SLC9B2: variants seen among roughly 807,000 people sequenced by gnomAD.
The protein encoded by SLC9B2 is sodium/hydrogen exchanger 9B2.
Under a neutral mutation model 52.2 loss-of-function variants are expected in SLC9B2, and 39 were observed. That is an observed-to-expected ratio of 0.75 (90% CI 0.58 to 0.98). The LOEUF (loss-of-function observed/expected upper bound fraction) is 0.98. Among genes scored for constraint, SLC9B2 ranks in the 50% least tolerant of loss-of-function variants. SLC9B2 has a pLI of 0.00. For missense variants in SLC9B2, 626 were observed against 637.5 expected, an observed-to-expected ratio of 0.98 and a Z score of 0.19; for synonymous variants, 214 against 227.0, an observed-to-expected ratio of 0.94 and a Z score of 0.51.
intron 7 of SLC9B2, among the ~76,000 whole-genome samples, chr4:103,045,535 C>A (rs148333460): frequency 2.6e-5 from 4 of 151,244 alleles, no homozygotes; most frequent in African/African-American, 9.7e-5. Flanking sequence ...AAAAAAAAGT[C>A]TTGGGCCCCA....
downstream of SLC9B2, chr4:103,020,253 G>GT (rs10676315): frequency 0.34 from 127,929 of 380,694 alleles, 9,285 homozygotes; most frequent in African/African-American, 0.44. Flanking sequence ...ACCTTTGTGA[G>GT]TTTTTTTTTT....
At chr4:103,057,244 G>GTATATATATATA (rs56742547) in intron 4 of SLC9B2, among the ~76,000 whole-genome samples, 70 of 137,268 alleles carry the variant, frequency 5.1e-4, no homozygotes, top group Non-Finnish European at 7.9e-4. Context: ...TTAATTTTAA[G>GTATATATATATA]TATATATATA....
chr4:103,064,724 G>A (rs115529104), intron 3 of SLC9B2, among the ~76,000 whole-genome samples: 2,405 of 152,112 alleles, frequency 0.016, 71 homozygotes, highest in African/African-American at 0.054. Flanking sequence ...ATATATACAT[G>A]TATTGAAACA....
chr4:103,041,022 T>A (rs976551321), intron 9 of SLC9B2, among the ~76,000 whole-genome samples: 15 of 152,188 alleles, frequency 9.9e-5, no homozygotes, highest in African/African-American at 3.6e-4. Flanking sequence ...GTACTTCATA[T>A]TTTACTGGTA....
chr4:103,023,118 A>G lies in SLC9B2; in HGVS notation c.*3252T>C, dbSNP rs904434593. Among the ~76,000 whole-genome samples, 15 of 152,200 alleles carry G rather than the reference A, an allele frequency of 9.9e-5. No homozygotes were observed. Among genetic ancestry groups the G allele is most frequent in the African/African-American group, 3.6e-4 (15 of 41,452 alleles). ...ACTAAGATAGACTAAGTGGACTAAG[A>G]TCCGAACTGTCGTGTGGCAAGTAGT... On this transcript the variant is annotated 3_prime_UTR_variant, in exon 12 of 12. Transcript: ENST00000394785.
chr4:103,041,236 A>C (rs1341059831), intron 9 of SLC9B2, among the ~76,000 whole-genome samples: 2 of 152,328 alleles, frequency 1.3e-5, no homozygotes, highest in Middle Eastern at 3.4e-3. Flanking sequence ...GGGTAAAAAA[A>C]CCAAAAACCC....
intron 9 of SLC9B2, among the ~76,000 whole-genome samples, chr4:103,037,795 C>T (rs1743301635): frequency 6.6e-6 from 1 of 152,030 alleles, no homozygotes; most frequent in South Asian, 2.1e-4. Flanking sequence ...CAGTTAACAT[C>T]CTTCCACATA....
chr4:103,023,130 G>A lies in SLC9B2; in HGVS notation c.*3240C>T, dbSNP rs1003091448. Among the ~76,000 whole-genome samples the A allele has an allele frequency of 6.6e-6, 1 of 152,176 alleles. No individual in the cohort carries two copies. The highest frequency in any genetic ancestry group is 2.4e-5 in the African/African-American group (1 of 41,446). ...TAAGTGGACTAAGATCCGAACTGTC[G>A]TGTGGCAAGTAGTTTTCTGATATTG... On this transcript the variant is annotated 3_prime_UTR_variant, in exon 12 of 12. Transcript: ENST00000394785.
intron 9 of SLC9B2, among the ~76,000 whole-genome samples, chr4:103,033,064 C>T (rs1328032426): frequency 1.3e-5 from 2 of 152,130 alleles, no homozygotes; most frequent in Non-Finnish European, 2.9e-5. Flanking sequence ...ATTTCTCTTT[C>T]CTCATAGGAC....
intron 1 of SLC9B2, among the ~76,000 whole-genome samples, chr4:103,070,960 GAA>G (rs1199520795): frequency 1.3e-5 from 2 of 151,860 alleles, no homozygotes; most frequent in East Asian, 3.9e-4. Context: ...AAAGAAAAAA[GAA>G]AAAAGTTTTC....
At chr4:103,061,212 A>T (rs1745611750) in intron 3 of SLC9B2, among the ~76,000 whole-genome samples, 2 of 152,236 alleles carry the variant, frequency 1.3e-5, no homozygotes, top group Admixed American at 1.3e-4. Flanking sequence ...ATGCACACGT[A>T]CGTTTATTGA....
chr4:103,029,118 A>T (rs1461914742), intron 10 of SLC9B2, among the ~76,000 whole-genome samples: 1 of 152,206 alleles, frequency 6.6e-6, no homozygotes, highest in Non-Finnish European at 1.5e-5. Flanking sequence ...GCATATTTGA[A>T]TTCTTATGTA....
Position 103,052,715 on chromosome 4 carries a change from A to G in SLC9B2, c.443-2333T>C, listed in dbSNP as rs576071434. On this transcript the variant is annotated intron_variant, in intron 4 of 11. Transcript: ENST00000394785. The stretch of plus-strand genomic sequence containing the variant: ...TTTGTTTTGGGGGATATGAGGGGAC[A>G]TTTTTTTTTTTTTTTGAGACAGGGT... Among the ~76,000 whole-genome samples the G allele has an allele frequency of 6.8e-4, 96 of 141,504 alleles. No individual in the cohort carries two copies. The South Asian group carries it at 9.1e-3, about 13-fold the overall frequency. The allele number at this position is 141,504 out of a possible 152,430, so 92.8% of individuals were successfully genotyped here.
At chr4:103,045,506 G>T (rs1212366535) in intron 7 of SLC9B2, among the ~76,000 whole-genome samples, 1 of 150,948 alleles carries the variant, frequency 6.6e-6, no homozygotes, top group African/African-American at 2.4e-5. Context: ...TTAGTCTCTG[G>T]TATATTGAGG....
In SLC9B2 at chr4:103,022,936, G is replaced by A. The variant is rs1741901556; in HGVS notation, c.*3434C>T. On this transcript the variant is annotated 3_prime_UTR_variant, in exon 12 of 12. Coordinates refer to ENST00000394785, the MANE Select transcript of SLC9B2 (RefSeq NM_178833.7). ...ATCAAGTGATGACACATGAGTGAGA[G>A]GGTGAGAATGTGGCCATTGGCAAGC... Among the ~76,000 whole-genome samples the A allele has an allele frequency of 6.6e-6, 1 of 152,324 alleles. No individual in the cohort carries two copies.
chr4:103,033,910 C>A (rs1185754198), intron 9 of SLC9B2, among the ~76,000 whole-genome samples: 3 of 152,048 alleles, frequency 2.0e-5, no homozygotes, highest in African/African-American at 7.2e-5. Context: ...CAATGATATT[C>A]CTATCAAACT....
chr4:103,028,608 ATAGAT>A (rs1416323550), intron 11 of SLC9B2, 134 bp downstream of exon 11: 21 of 1,070,382 alleles, frequency 2.0e-5, no homozygotes, highest in Non-Finnish European at 2.6e-5. Flanking sequence ...GTTTTAAAGA[ATAGAT>A]TAGGATAAAC....
At chr4:103,039,366 G>A (rs1039759270) in intron 9 of SLC9B2, among the ~76,000 whole-genome samples, 1 of 152,114 alleles carries the variant, frequency 6.6e-6, no homozygotes, top group Admixed American at 6.6e-5. Context: ...ATCATCACTG[G>A]GAAGTTAGAT....
chr4:103,030,323 G>A (rs1207601281), intron 10 of SLC9B2, among the ~76,000 whole-genome samples: 1 of 152,174 alleles, frequency 6.6e-6, no homozygotes, highest in Non-Finnish European at 1.5e-5. Context: ...TACATATGGT[G>A]TAAGGAAAGG....
Sources: allele counts gnomAD v4.1 joint callset (sites outside exome capture counted in the v4.1 genomes callset), GRCh38; gene constraint gnomAD v4.1.1; transcripts MANE v1.5; gene names NCBI Gene and HGNC (gene_info 2026-07-23, HGNC 2026-07-21).